Variants in ADAMTSL1 observed in about 807,000 individuals in gnomAD.
ADAMTSL1 encodes the protein ADAMTS like 1.
ADAMTSL1 carries 126 observed loss-of-function variants against 201.8 expected under a neutral mutation model. The observed-to-expected ratio is 0.62, with a 90% CI of 0.54 to 0.72. The LOEUF (loss-of-function observed/expected upper bound fraction) is 0.72, where lower values mean the gene tolerates loss of function less well. ADAMTSL1 is among the 30% of genes least tolerant of loss of function. ADAMTSL1 has a pLI of 0.00. For synonymous variants in ADAMTSL1, 1,121 were observed against 903.4 expected, an observed-to-expected ratio of 1.24 and a Z score of -4.32; for missense variants, 2,679 against 2,277.8, an observed-to-expected ratio of 1.18 and a Z score of -3.59.
chr9:18,643,489 A>G (rs1041711989), intron 7 of ADAMTSL1, among the ~76,000 whole-genome samples: 1 of 151,960 alleles, frequency 6.6e-6, no homozygotes, highest in Admixed American at 6.6e-5. Context: ...AAAATTGCCC[A>G]GACCAATTGC....
intron 1 of ADAMTSL1, among the ~76,000 whole-genome samples, chr9:17,971,407 C>T (rs1480463309): frequency 6.6e-6 from 1 of 151,960 alleles, no homozygotes; most frequent in Non-Finnish European, 1.5e-5. Flanking sequence ...TAAAAACTAT[C>T]AATACTACTT....
Position 18,522,427 on chromosome 9 carries a change from A to C in ADAMTSL1, c.192-10820A>C, listed in dbSNP as rs1243947656. Among the ~76,000 whole-genome samples, 3 of 152,072 alleles carry C rather than the reference A, an allele frequency of 2.0e-5. No individual in the cohort carries two copies. In the East Asian group the frequency reaches 5.8e-4, roughly 29 times the overall value. ...CCTCTTGAGTTTTTTGTAGAGTCTCAGGAATGTAGAATTTTTATTTTATTT... is the reference window on the plus strand; with the variant it reads ...CCTCTTGAGTTTTTTGTAGAGTCTCCGGAATGTAGAATTTTTATTTTATTT... On this transcript the variant is annotated intron_variant, in intron 2 of 28. Transcript: ENST00000380548.
intron 1 of ADAMTSL1, among the ~76,000 whole-genome samples, chr9:18,046,316 T>C (rs1821655917): frequency 6.6e-6 from 1 of 152,176 alleles, no homozygotes; most frequent in African/African-American, 2.4e-5. Flanking sequence ...AGCTTGTTGG[T>C]CTGCCACCTT....
intron 2 of ADAMTSL1, among the ~76,000 whole-genome samples, chr9:18,250,396 C>T (rs927827002): frequency 6.6e-6 from 1 of 152,132 alleles, no homozygotes; most frequent in African/African-American, 2.4e-5. Flanking sequence ...GGAGGGGTAC[C>T]AGTGAGGACT....
At chr9:18,022,543 A>ATT (rs143066877) in intron 1 of ADAMTSL1, among the ~76,000 whole-genome samples, 4 of 149,426 alleles carry the variant, frequency 2.7e-5, no homozygotes, top group African/African-American at 9.8e-5. Flanking sequence ...ACGTAATGTT[A>ATT]TTTTTTTTTT....
In ADAMTSL1 at chr9:17,990,030, G is replaced by T. The variant is rs548054513; in HGVS notation, c.87+83108G>T. Among the ~76,000 whole-genome samples the T allele has an allele frequency of 2.0e-4, 30 of 151,268 alleles. No individual in the cohort carries two copies. In the South Asian group the frequency reaches 5.6e-3, roughly 28 times the overall value. On this transcript the variant is annotated intron_variant, in intron 1 of 29. Transcript: ENST00000680146. ...ATGTTAGGGCAAAACAAACATTGAA[G>T]ACATAGACTTGTTAAATGAAAAGCA...
chr9:18,791,337 A>T (rs1426997164), intron 19 of ADAMTSL1, among the ~76,000 whole-genome samples: 1 of 152,180 alleles, frequency 6.6e-6, no homozygotes, highest in Non-Finnish European at 1.5e-5. Context: ...ATGTATAATA[A>T]CAGGAGTCAA....
chr9:18,679,376 A>G (rs1444294058), intron 10 of ADAMTSL1, among the ~76,000 whole-genome samples: 1 of 152,180 alleles, frequency 6.6e-6, no homozygotes, highest in Non-Finnish European at 1.5e-5. Context: ...CTCAGTCCCA[A>G]TGTTTCTGTT....
chr9:18,133,963 G>A (rs1439129839), intron 1 of ADAMTSL1, among the ~76,000 whole-genome samples: 2 of 152,132 alleles, frequency 1.3e-5, no homozygotes, highest in Non-Finnish European at 2.9e-5. Context: ...GGGAAGGGTG[G>A]TATGTTGGAA....
intron 1 of ADAMTSL1, among the ~76,000 whole-genome samples, chr9:17,933,244 G>C (rs2131324321): frequency 6.6e-6 from 1 of 152,244 alleles, no homozygotes; most frequent in African/African-American, 2.4e-5. Flanking sequence ...TCCTTGGCTT[G>C]TGGCTATATC....
chr9:17,999,197 G>A (rs1454654501), intron 1 of ADAMTSL1, among the ~76,000 whole-genome samples: 1 of 152,018 alleles, frequency 6.6e-6, no homozygotes, highest in South Asian at 2.1e-4. Flanking sequence ...TGTACATATG[G>A]CATTAAACTA....
chr9:18,663,709 T>G (rs1203381777), intron 9 of ADAMTSL1, among the ~76,000 whole-genome samples: 1 of 149,218 alleles, frequency 6.7e-6, no homozygotes, highest in Non-Finnish European at 1.5e-5. Flanking sequence ...TCATAAAGCT[T>G]TTTTCCACAA....
intron 1 of ADAMTSL1, among the ~76,000 whole-genome samples, chr9:18,100,922 C>T (rs1380329312): frequency 6.6e-6 from 1 of 152,184 alleles, no homozygotes; most frequent in Admixed American, 6.5e-5. Context: ...ATTTGTTTTG[C>T]ACTGCCGTGT....
At chr9:18,674,070 CA>C (rs5896795) in intron 9 of ADAMTSL1, among the ~76,000 whole-genome samples, 103,947 of 151,398 alleles carry the variant, frequency 0.69, 35,854 homozygotes, top group Non-Finnish European at 0.71. Flanking sequence ...ATGGTTCACT[CA>C]AAAAAACAGA....
intron 1 of ADAMTSL1, among the ~76,000 whole-genome samples, chr9:17,932,736 A>G (rs558372543): frequency 6.6e-6 from 1 of 152,288 alleles, no homozygotes; most frequent in African/African-American, 2.4e-5. Context: ...TTCATTTTGA[A>G]TACAGTGATC....
intron 1 of ADAMTSL1, among the ~76,000 whole-genome samples, chr9:18,022,948 TG>T (rs1196812770): frequency 5.3e-5 from 8 of 152,122 alleles, no homozygotes; most frequent in Non-Finnish European, 1.0e-4. Flanking sequence ...TTCTCCACCT[TG>T]CTGGGTTTCT....
In ADAMTSL1 at chr9:18,591,787, G is replaced by A. The variant is rs556243601; in HGVS notation, c.474+17521G>A. Among the ~76,000 whole-genome samples the A allele has an allele frequency of 2.8e-4, 42 of 152,018 alleles. No individual in the cohort carries two copies. The South Asian group carries it at 3.3e-3, about 12-fold the overall frequency. ...AGAAATAAGTTTGTTTATTCCTGTA[G>A]CATAAAAATTCATGCTTCAGGATTT... On this transcript the variant is annotated intron_variant, in intron 4 of 28. Transcript: ENST00000380548.
chr9:18,818,375 G>C (rs910626947), intron 21 of ADAMTSL1, among the ~76,000 whole-genome samples: 2 of 152,108 alleles, frequency 1.3e-5, no homozygotes, highest in African/African-American at 2.4e-5. Flanking sequence ...ACCTCAATTT[G>C]TTACTTATAA....
chr9:18,232,690 T>C (rs1210915871), intron 2 of ADAMTSL1, among the ~76,000 whole-genome samples: 1 of 152,174 alleles, frequency 6.6e-6, no homozygotes, highest in Non-Finnish European at 1.5e-5. Flanking sequence ...CTGCTCTGAA[T>C]CATTCTGACA....
Sources: gnomAD v4.1 joint callset for allele counts (sites outside exome capture counted in the v4.1 genomes callset) on GRCh38, gnomAD v4.1.1 for gene constraint, MANE v1.5 for transcripts, NCBI Gene and HGNC (gene_info 2026-07-23, HGNC 2026-07-21) for gene names.